ADGB: variants seen among roughly 807,000 people sequenced by gnomAD.
ADGB encodes androglobin.
In ADGB, 172 loss-of-function variants were observed where a neutral mutation model predicts 210.5. The ratio of observed to expected loss-of-function variants is 0.82; its 90% confidence interval spans 0.72 to 0.93. The LOEUF is 0.93. Ranked by LOEUF, ADGB falls within the 40% of genes least tolerant of loss-of-function variation. ADGB has a pLI of 0.00. For synonymous variants in ADGB, 658 were observed against 662.7 expected, an observed-to-expected ratio of 0.99 and a Z score of 0.11; for missense variants, 2,025 against 1,964.8, an observed-to-expected ratio of 1.03 and a Z score of -0.58.
chr6:146,778,096 G>C (rs958449216), intron 29 of ADGB, among the ~76,000 whole-genome samples: 14 of 152,180 alleles, frequency 9.2e-5, no homozygotes, highest in Admixed American at 7.9e-4. Context: ...GTTTTTATGA[G>C]ATTGGCTTAT....
intron 27 of ADGB, among the ~76,000 whole-genome samples, chr6:146,755,152 A>G (rs75826789): frequency 0.01 from 1,554 of 152,134 alleles, 24 homozygotes; most frequent in African/African-American, 0.035. Flanking sequence ...AGGATTTCTT[A>G]TCACTGATTC....
chr6:146,623,010 A>G (rs1246982913), intron 1 of ADGB, among the ~76,000 whole-genome samples: 1 of 152,010 alleles, frequency 6.6e-6, no homozygotes, highest in African/African-American at 2.4e-5. Context: ...TCAGCTGTCC[A>G]TATGAATATG....
chr6:146,803,114 AGGAAGG>A, intron 35 of ADGB: 1 of 1,496,834 alleles, frequency 6.7e-7, no homozygotes, highest in Non-Finnish European at 9.3e-7. Flanking sequence ...TGGTGAGCAC[AGGAAGG>A]CAATCTACCA....
At chr6:146,709,704 A>G (rs6940000) in intron 13 of ADGB, among the ~76,000 whole-genome samples, 9,303 of 152,164 alleles carry the variant, frequency 0.061, 934 homozygotes, top group African/African-American at 0.21. Flanking sequence ...TTACTGCTTT[A>G]CTGGTCCAGC....
chr6:146,677,299 G>T (rs1455468692), intron 9 of ADGB, among the ~76,000 whole-genome samples: 2 of 152,090 alleles, frequency 1.3e-5, no homozygotes, highest in African/African-American at 4.8e-5. Context: ...CTATCTTGGT[G>T]CTTCCAGAGT....
At chr6:146,769,626 A>G (rs1777624857) in intron 29 of ADGB, among the ~76,000 whole-genome samples, 1 of 152,192 alleles carries the variant, frequency 6.6e-6, no homozygotes, top group Admixed American at 6.5e-5. Context: ...TGCTTTCAAA[A>G]AAGAGAATCA....
chr6:146,802,675 A>G, intron 35 of ADGB: 1 of 955,270 alleles, frequency 1.0e-6, no homozygotes. Context: ...TGGCTTTTTA[A>G]AAGAAAAAAT....
At chr6:146,813,536 G>T (rs950360837) in intron 35 of ADGB, among the ~76,000 whole-genome samples, 1 of 152,016 alleles carries the variant, frequency 6.6e-6, no homozygotes, top group African/African-American at 2.4e-5. Flanking sequence ...TTTCATTTTT[G>T]ATTGTTCTCT....
intron 29 of ADGB, among the ~76,000 whole-genome samples, chr6:146,770,953 C>A (rs1562296912): frequency 6.6e-6 from 1 of 152,068 alleles, no homozygotes; most frequent in South Asian, 2.1e-4. Context: ...CTTCAACCTC[C>A]CCTCCTAAAG....
chr6:146,722,018 C>A (rs996810118), intron 17 of ADGB, among the ~76,000 whole-genome samples: 2 of 152,006 alleles, frequency 1.3e-5, no homozygotes, highest in African/African-American at 4.8e-5. Flanking sequence ...TCTGGTTGTA[C>A]TATCTGTTCA....
chr6:146,685,736 T>C lies in ADGB; in HGVS notation c.1219T>C (p.Ser407Pro). 1 of 1,506,350 alleles carries C rather than the reference T, an allele frequency of 6.6e-7. No individual in the cohort carries two copies. The highest frequency in any genetic ancestry group is 8.9e-7 in the Non-Finnish European group (1 of 1,126,986). The allele number at this position is 1,506,350 out of a possible 1,614,324, so 93.3% of individuals were successfully genotyped here. A position where few individuals can be genotyped will look rare whatever the true frequency, so the allele number is the denominator to read the frequency against. Residue 407 changes from serine to proline, a missense_variant and splice_region_variant, in exon 10 of 36, where the codon TCT (serine) becomes CCT (proline). Coordinates refer to ENST00000397944, the MANE Select transcript of ADGB (RefSeq NM_024694.4). ...QYSVQSLSDC[S>P]SAIQTSHMVV... ...CATAATGTATGTTTGTTTTACAGGT[T>C]CTTCTGCAATACAGACCTCTCATAT...
Position 146,691,267 on chromosome 6 carries a change from C to CG in ADGB, c.1463_1464insG (p.Val489CysfsTer5). On this transcript the variant is annotated frameshift_variant, in exon 11 of 36. Transcript: ENST00000397944. LOFTEE classifies it high-confidence loss of function. ...AAACTCATTCGTCAAAAAAAGGAAA[C>CG]TGTTATAACAGATGAAGCTCAAGGT... is the stretch of plus-strand genomic sequence containing the variant. The CG allele has an allele frequency of 6.5e-7, 1 of 1,546,460 alleles. No individual in the cohort carries two copies. Among genetic ancestry groups the CG allele is most frequent in the South Asian group, 1.2e-5 (1 of 83,738 alleles).
intron 11 of ADGB, among the ~76,000 whole-genome samples, chr6:146,692,477 G>A (rs1222168100): frequency 6.6e-6 from 1 of 151,786 alleles, no homozygotes; most frequent in Non-Finnish European, 1.5e-5. Context: ...GGTTAACTAA[G>A]GGAACTTTTT....
chr6:146,791,576 CA>C (rs1441385501), intron 33 of ADGB, among the ~76,000 whole-genome samples: 1 of 152,052 alleles, frequency 6.6e-6, no homozygotes, highest in African/African-American at 2.4e-5. Flanking sequence ...TTTATGGGCT[CA>C]AGGAATCCTC....
chr6:146,769,793 A>G (rs887869696), intron 29 of ADGB, among the ~76,000 whole-genome samples: 6 of 152,196 alleles, frequency 3.9e-5, no homozygotes, highest in African/African-American at 1.4e-4. Flanking sequence ...AAATAAACCC[A>G]TGCAATACAA....
rs1474595087 is a variant in ADGB, at chr6:146,728,747, C to T, written c.2520+6C>T. On this transcript the variant is annotated splice_donor_region_variant and intron_variant, in intron 20 of 35. Coordinates refer to ENST00000397944, the MANE Select transcript of ADGB (RefSeq NM_024694.4). The stretch of plus-strand genomic sequence containing the variant: ...TAACTGCACAGCACTTCAGGGTAAG[C>T]TTGTTTGGGATACAATGTTCAGAAG... 9.8e-6 allele frequency: 15 copies of T among 1,529,498 alleles called. No homozygotes were observed. Among genetic ancestry groups the T allele is most frequent in the African/African-American group, 1.4e-5 (1 of 72,640 alleles). 94.7% of individuals were successfully genotyped at this position (1,529,498 alleles called of 1,614,324 possible). A position where few individuals can be genotyped will look rare whatever the true frequency, so the allele number is the denominator to read the frequency against.
intron 22 of ADGB, among the ~76,000 whole-genome samples, chr6:146,735,319 A>G (rs563274409): frequency 6.6e-6 from 1 of 152,332 alleles, no homozygotes; most frequent in East Asian, 1.9e-4. Flanking sequence ...TGGAAAATCC[A>G]AAATCAAGGG....
intron 12 of ADGB, among the ~76,000 whole-genome samples, chr6:146,698,577 T>C (rs573908364): frequency 6.6e-6 from 1 of 152,234 alleles, no homozygotes; most frequent in African/African-American, 2.4e-5. Flanking sequence ...GAAAAGTGGG[T>C]AGGGAGGGAG....
rs368946360 is a variant in ADGB at position 146,722,655 on chromosome 6, TTC to T, written c.2095+1160_2095+1161del. On this transcript the variant is annotated intron_variant, in intron 17 of 35. Coordinates refer to ENST00000397944, the MANE Select transcript of ADGB (RefSeq NM_024694.4). ...ATGACCTATTGCAAACCCTCAAACA[TTC>T]TCTCTCTCTTCAAATCTTCAACACC... Among the ~76,000 whole-genome samples, 31 of 152,264 alleles carry T rather than the reference TTC, an allele frequency of 2.0e-4. 1 individual carries two copies. In the South Asian group the frequency reaches 6.4e-3, roughly 32 times the overall value.
Sources: gnomAD v4.1 joint callset for allele counts (sites outside exome capture counted in the v4.1 genomes callset) on GRCh38, gnomAD v4.1.1 for gene constraint, MANE v1.5 for transcripts, NCBI Gene and HGNC (gene_info 2026-07-23, HGNC 2026-07-21) for gene names.